Variants in APPL1 observed in about 807,000 individuals in gnomAD.
The protein encoded by APPL1 is adaptor protein, phosphotyrosine interacting with PH domain and leucine zipper 1.
APPL1 carries 42 observed loss-of-function variants against 106.8 expected under a neutral mutation model. The ratio of observed to expected loss-of-function variants is 0.39; its 90% CI spans 0.31 to 0.51. The LOEUF is 0.51. APPL1 is among the 20% of genes least tolerant of loss of function. The pLI is 0.75. For missense variants in APPL1, 769 were observed against 858.2 expected, an observed-to-expected ratio of 0.90 and a Z score of 1.30; for synonymous variants, 263 against 281.8, an observed-to-expected ratio of 0.93 and a Z score of 0.67.
At chr3:57,248,466 T>G in intron 10 of APPL1, 115 bp downstream of exon 10, 1 of 1,182,924 alleles carries the variant, frequency 8.5e-7, no homozygotes, top group Admixed American at 2.6e-5. Context: ...GTTGAAACTT[T>G]TTAGAGGTGT....
chr3:57,260,844 A>T, intron 19 of APPL1, 70 bp downstream of exon 19: 19 of 1,378,006 alleles, frequency 1.4e-5, no homozygotes, highest in Non-Finnish European at 1.8e-5. Flanking sequence ...TTTAATAATA[A>T]TTAAATTCTT....
intron 1 of APPL1, among the ~76,000 whole-genome samples, chr3:57,231,208 G>A (rs1290711029): frequency 6.6e-6 from 1 of 151,244 alleles, no homozygotes; most frequent in Non-Finnish European, 1.5e-5. Context: ...GCGTGGTGGT[G>A]GACGTCTGTA....
Position 57,242,883 on chromosome 3 carries a change from G to A in APPL1, c.443G>A (p.Ser148Asn), listed in dbSNP as rs747044226. The A allele has an allele frequency of 1.2e-6, 2 of 1,612,002 alleles. No homozygotes were observed. Among genetic ancestry groups the A allele is most frequent in the Non-Finnish European group, 1.7e-6 (2 of 1,178,690 alleles). ...NDHDAAINRY[S>N]RLSKKRENDK... ...CATGATGCTGCGATTAATAGATATA[G>A]CCGTTTATCAAAAAAAAGAGAAAAT... The change falls in exon 7 of 22, where the codon AGC (serine) becomes AAC (asparagine). Residue 148 changes from serine to asparagine, a missense_variant. Transcript: ENST00000288266.
Position 57,248,054 on chromosome 3 carries a change from T to C in APPL1, c.705-139T>C, listed in dbSNP as rs1341216928. 4 of 764,272 alleles carry C rather than the reference T, an allele frequency of 5.2e-6. No individual in the cohort carries two copies. In the East Asian group the frequency reaches 1.1e-4, roughly 21 times the overall value. The allele number at this position is 764,272 out of a possible 1,614,324, so 47.3% of individuals were successfully genotyped here. ...TAAACTGTAAACCTGTTTTAAAATA[T>C]ATTCGTGTTGTTTTAACCACCCATG... is the stretch of plus-strand genomic sequence containing the variant. On this transcript the variant is annotated intron_variant, in intron 9 of 21. Transcript: ENST00000288266.
chr3:57,257,681 G>T (rs1214260827), intron 15 of APPL1, among the ~76,000 whole-genome samples: 1 of 152,032 alleles, frequency 6.6e-6, no homozygotes, highest in Non-Finnish European at 1.5e-5. Flanking sequence ...CTATTTCTTG[G>T]ATACTTGCTC....
intron 9 of APPL1, 31 bp from the exon 10 acceptor site, chr3:57,248,162 G>T: frequency 1.9e-6 from 3 of 1,583,228 alleles, no homozygotes; most frequent in Non-Finnish European, 2.6e-6. Flanking sequence ...TATTGGTTGT[G>T]ATTTGTAGCA....
chr3:57,262,235 A>C (rs116334982), intron 19 of APPL1, among the ~76,000 whole-genome samples: 1 of 151,918 alleles, frequency 6.6e-6, no homozygotes, highest in Non-Finnish European at 1.5e-5. Context: ...TTCTTTGGCT[A>C]TGCAGACACT....
rs541758116 is a variant in APPL1 at position 57,266,368 on chromosome 3, T to C, written c.1843-1374T>C. On this transcript the variant is annotated intron_variant, in intron 19 of 21. Coordinates refer to ENST00000288266, the MANE Select transcript of APPL1 (RefSeq NM_012096.3). Reference sequence around the variant, plus strand: ...AGACTTTTTATTATGGTTTGGATCTTGTTACTTGTTATTGGACTGTTCAGG... The same window carrying C: ...AGACTTTTTATTATGGTTTGGATCTCGTTACTTGTTATTGGACTGTTCAGG... Among the ~76,000 whole-genome samples, 57 of 152,288 alleles carry C rather than the reference T, an allele frequency of 3.7e-4. 1 individual carries two copies. The South Asian group carries it at 0.012, about 32-fold the overall frequency.
chr3:57,239,805 A>G (rs985279150), intron 4 of APPL1, among the ~76,000 whole-genome samples: 4 of 152,216 alleles, frequency 2.6e-5, no homozygotes, highest in South Asian at 2.1e-4. Context: ...CCTACCAGCA[A>G]TGTAGGAGGG....
Position 57,235,591 on chromosome 3 carries a change from A to G in APPL1, c.80A>G (p.Glu27Gly), listed in dbSNP as rs756321385. The change falls in exon 2 of 22, where the codon GAA becomes GGA. Residue 27 changes from glutamate to glycine, a missense_variant. Transcript: ENST00000288266. ...ACAAGGTCTTTACTAGGTGTATTTG[A>G]AGAAGATGCCACAGCTATTTCCAAC... ...PQTRSLLGVF[E>G]EDATAISNYM... is the part of the protein sequence containing the mutation. 3 of 1,612,700 alleles carry G rather than the reference A, an allele frequency of 1.9e-6. No individual in the cohort carries two copies. The highest frequency in any genetic ancestry group is 2.5e-6 in the Non-Finnish European group (3 of 1,178,950).
intron 5 of APPL1, 78 bp downstream of exon 5, chr3:57,240,630 C>A: frequency 3.9e-6 from 5 of 1,280,592 alleles, no homozygotes; most frequent in Non-Finnish European, 5.6e-6. Context: ...TCTGTACTTA[C>A]ACCATTTCTG....
At chr3:57,244,508 A>T (rs2060762761) in intron 7 of APPL1, among the ~76,000 whole-genome samples, 1 of 152,170 alleles carries the variant, frequency 6.6e-6, no homozygotes, top group Non-Finnish European at 1.5e-5. Flanking sequence ...TAAGTGGATA[A>T]CACCAGTTTG....
At chr3:57,247,533 A>C in intron 9 of APPL1, 56 bp downstream of exon 9, 17 of 1,064,492 alleles carry the variant, frequency 1.6e-5, no homozygotes, top group Non-Finnish European at 2.4e-5. Context: ...ATAACAGCTC[A>C]ATGACATAAT....
rs924139780 is a variant in APPL1, at chr3:57,228,370, A to G, written c.54+433A>G. Among the ~76,000 whole-genome samples, 3 of 152,224 alleles carry G rather than the reference A, an allele frequency of 2.0e-5. No homozygotes were observed. The highest frequency in any genetic ancestry group is 4.4e-5 in the Non-Finnish European group (3 of 68,032). Reference sequence around the variant, plus strand: ...TTTCCGAGGCTCAGCAAGCTAAGGAAGGAAATGGATCGTTTTTCTTTGGGA... The same window carrying G: ...TTTCCGAGGCTCAGCAAGCTAAGGAGGGAAATGGATCGTTTTTCTTTGGGA... On this transcript the variant is annotated intron_variant, in intron 1 of 21. Coordinates refer to ENST00000288266, the MANE Select transcript of APPL1 (RefSeq NM_012096.3). The surrounding 1 kb of genome is among the most constrained non-coding windows in gnomAD (Gnocchi z 4.6).
chr3:57,260,474 C>T, intron 18 of APPL1, 154 bp from the exon 19 acceptor site: 1 of 657,480 alleles, frequency 1.5e-6, no homozygotes, highest in Non-Finnish European at 2.3e-6. Flanking sequence ...CCAAATATGA[C>T]ATTACTTGTT....
chr3:57,247,003 A>T (rs1305595203), intron 8 of APPL1, among the ~76,000 whole-genome samples: 2 of 152,072 alleles, frequency 1.3e-5, no homozygotes, highest in African/African-American at 4.8e-5. Flanking sequence ...AAAAAAAAAA[A>T]AAAATTGAAT....
intron 8 of APPL1, 64 bp from the exon 9 acceptor site, chr3:57,247,331 T>TGCTTAA: frequency 1.1e-6 from 1 of 890,736 alleles, no homozygotes; most frequent in Non-Finnish European, 1.8e-6. Flanking sequence ...TTTATATGAT[T>TGCTTAA]TACTTTAAGT....
At chr3:57,232,986 A>C (rs1268031072) in intron 1 of APPL1, among the ~76,000 whole-genome samples, 5 of 152,166 alleles carry the variant, frequency 3.3e-5, no homozygotes, top group African/African-American at 1.2e-4. Context: ...TGGGCGACAC[A>C]GTGAGACTCT....
chr3:57,269,536 A>T lies in APPL1; in HGVS notation c.1984-5A>T, dbSNP rs1266094587. The T allele has an allele frequency of 1.2e-6, 2 of 1,612,226 alleles. No individual in the cohort carries two copies. Among genetic ancestry groups the T allele is most frequent in the Admixed American group, 1.7e-5 (1 of 59,704 alleles). On this transcript the variant is annotated splice_region_variant and splice_polypyrimidine_tract_variant and intron_variant, in intron 21 of 21. Coordinates refer to ENST00000288266, the MANE Select transcript of APPL1 (RefSeq NM_012096.3). ...ACTTAGTTTCTTTTTTGTCTTTTCC[A>T]CTAGGACTTGGAAGAACAAAGTCGG...
Sources: gnomAD v4.1 joint callset for allele counts (sites outside exome capture counted in the v4.1 genomes callset) on GRCh38, gnomAD v4.1.1 for gene constraint, Gnocchi (gnomAD v3.1) non-coding constraint, MANE v1.5 for transcripts, NCBI Gene and HGNC (gene_info 2026-07-23, HGNC 2026-07-21) for gene names.